MAF: variants seen among roughly 807,000 people sequenced by gnomAD.
MAF encodes the protein MAF bZIP transcription factor.
A neutral mutation model predicts 22.0 loss-of-function variants in MAF; 10 were observed. The observed-to-expected ratio is 0.45, with a 90% CI of 0.28 to 0.77. The LOEUF (loss-of-function observed/expected upper bound fraction) is 0.77. MAF is among the 30% of genes least tolerant of loss of function. MAF has a pLI of 0.12. For synonymous variants in MAF, 337 were observed against 255.8 expected (o/e 1.32, Z -3.03); for missense variants, 544 against 548.4 (o/e 0.99, Z 0.08).
the MAF span, chr16:79,203,247 G>T: frequency 6.6e-6 from 1 of 152,184 alleles, no homozygotes; most frequent in Admixed American, 6.5e-5. Flanking sequence ...ACTCTCCACA[G>T]TATGTTCTAA....
the MAF span, among the ~76,000 whole-genome samples, chr16:79,367,566 T>C: frequency 2.0e-5 from 3 of 152,210 alleles, no homozygotes; most frequent in South Asian, 2.1e-4. Flanking sequence ...CAGGGATATA[T>C]GGCAGCACTG....
the MAF span, among the ~76,000 whole-genome samples, chr16:79,224,520 CAA>C: frequency 6.6e-6 from 1 of 152,010 alleles, no homozygotes; most frequent in Admixed American, 6.6e-5. Context: ...GACAATCAGA[CAA>C]GAGAAAGAAA....
chr16:79,332,411 G>A, the MAF span, among the ~76,000 whole-genome samples: 10 of 151,896 alleles, frequency 6.6e-5, no homozygotes, highest in Non-Finnish European at 1.0e-4. Context: ...AGCGATTCTC[G>A]TGCCTCAGCC....
chr16:79,545,109 C>T, the MAF span, among the ~76,000 whole-genome samples: 1 of 152,114 alleles, frequency 6.6e-6, no homozygotes, highest in African/African-American at 2.4e-5. Flanking sequence ...TTCTTAACTC[C>T]TGGAATATTA....
the MAF span, among the ~76,000 whole-genome samples, chr16:79,307,401 C>A: frequency 6.6e-5 from 10 of 152,332 alleles, no homozygotes; most frequent in African/African-American, 2.4e-4. Context: ...CATGAGCTCA[C>A]GGGCTGGACT....
chr16:79,472,176 A>T, the MAF span, among the ~76,000 whole-genome samples: 17,563 of 152,152 alleles, frequency 0.12, 1,138 homozygotes, highest in African/African-American at 0.18. Context: ...ACCCTCAAGC[A>T]GCTCAAAGGC....
At chr16:79,564,664 TA>T in the MAF span, among the ~76,000 whole-genome samples, 2 of 152,336 alleles carry the variant, frequency 1.3e-5, no homozygotes, top group South Asian at 4.1e-4. Flanking sequence ...TCTTCTTTGT[TA>T]ATGAAAGTCA....
the MAF span, among the ~76,000 whole-genome samples, chr16:79,218,894 A>G: frequency 6.6e-6 from 1 of 152,182 alleles, no homozygotes; most frequent in Non-Finnish European, 1.5e-5. Context: ...ATTCCATCTG[A>G]ATGCAGTGCA....
the MAF span, among the ~76,000 whole-genome samples, chr16:79,234,182 C>T: frequency 6.6e-6 from 1 of 152,026 alleles, no homozygotes; most frequent in African/African-American, 2.4e-5. Context: ...GTGGCACACA[C>T]AGTGGTTTTT....
chr16:79,598,334 G>A, intron 1 of MAF: 1 of 1,122,078 alleles, frequency 8.9e-7, no homozygotes, highest in Non-Finnish European at 1.1e-6. Context: ...ATGAACTGAA[G>A]GGGAAGAAGA....
chr16:79,565,163 A>G, the MAF span, among the ~76,000 whole-genome samples: 1 of 152,160 alleles, frequency 6.6e-6, no homozygotes, highest in Non-Finnish European at 1.5e-5. Flanking sequence ...AAGACCCAAA[A>G]TACCCAGTTA....
chr16:79,365,549 G>A, the MAF span, among the ~76,000 whole-genome samples: 65 of 150,856 alleles, frequency 4.3e-4, no homozygotes, highest in African/African-American at 1.4e-3. Context: ...CTCTCCTCTC[G>A]GAAATGCTAT....
the MAF span, among the ~76,000 whole-genome samples, chr16:79,239,156 T>A: frequency 1.3e-5 from 2 of 152,074 alleles, no homozygotes; most frequent in African/African-American, 4.8e-5. Flanking sequence ...TGTTTGCAGC[T>A]CCTGATTTTG....
the MAF span, among the ~76,000 whole-genome samples, chr16:79,418,837 G>A: frequency 6.6e-6 from 1 of 152,116 alleles, no homozygotes; most frequent in Admixed American, 6.5e-5. Flanking sequence ...TCACCGCATG[G>A]TTGGGTGGAG....
chr16:79,524,055 T>C, the MAF span, among the ~76,000 whole-genome samples: 67 of 152,310 alleles, frequency 4.4e-4, no homozygotes, highest in Middle Eastern at 0.01. Flanking sequence ...TTTCCCCAGA[T>C]ACTCAAGCTT....
the MAF span, among the ~76,000 whole-genome samples, chr16:79,433,930 A>T: frequency 6.6e-6 from 1 of 152,182 alleles, no homozygotes; most frequent in Non-Finnish European, 1.5e-5. Flanking sequence ...TAGATGGGAC[A>T]TAGGCCACAG....
chr16:79,281,922 A>C, the MAF span, among the ~76,000 whole-genome samples: 1 of 152,274 alleles, frequency 6.6e-6, no homozygotes, highest in Middle Eastern at 3.4e-3. Context: ...AAGGACCACA[A>C]TGAGGATACT....
the MAF span, among the ~76,000 whole-genome samples, chr16:79,563,411 T>C: frequency 2.0e-5 from 3 of 152,128 alleles, no homozygotes; most frequent in Non-Finnish European, 4.4e-5. Flanking sequence ...GTTAAGTACA[T>C]CTTTATTGTT....
the MAF span, among the ~76,000 whole-genome samples, chr16:79,571,782 C>G: frequency 1.3e-5 from 2 of 152,062 alleles, no homozygotes; most frequent in Admixed American, 6.5e-5. Context: ...CGAAGGAGCT[C>G]CAACTGGACC....
Sources: allele counts gnomAD v4.1 joint callset (sites outside exome capture counted in the v4.1 genomes callset), GRCh38; gene constraint gnomAD v4.1.1; transcripts MANE v1.5; gene names NCBI Gene and HGNC (gene_info 2026-07-23, HGNC 2026-07-21).